Variants in SLIT2 observed in about 807,000 individuals in gnomAD.
SLIT2 encodes slit homolog 2 protein.
SLIT2 carries 41 observed loss-of-function variants against 185.7 expected under a neutral mutation model. The ratio of observed to expected loss-of-function variants is 0.22; its 90% confidence interval spans 0.17 to 0.29. The LOEUF (loss-of-function observed/expected upper bound fraction) is 0.29, where lower values mean the gene tolerates loss of function less well. Among genes scored for constraint, SLIT2 ranks in the 10% least tolerant of loss-of-function variants. The pLI, the probability that SLIT2 is intolerant of heterozygous loss-of-function variation, is 1.00. For missense variants in SLIT2, 1,571 were observed against 1,909.0 expected, an observed-to-expected ratio of 0.82 and a Z score of 3.30; for synonymous variants, 693 against 680.2, an observed-to-expected ratio of 1.02 and a Z score of -0.29.
At chr4:20,257,734 G>T in intron 2 of SLIT2, 134 bp from the exon 3 acceptor site, 1 of 649,644 alleles carries the variant, frequency 1.5e-6, no homozygotes, top group Admixed American at 2.9e-5. Context: ...TATTAAATTT[G>T]ATATTGGATC....
chr4:20,274,742 G>A (rs1447688907), intron 4 of SLIT2, among the ~76,000 whole-genome samples: 1 of 144,688 alleles, frequency 6.9e-6, no homozygotes, highest in Admixed American at 7.0e-5. Context: ...AAGTTTCTGT[G>A]TTTTTTTTTT....
chr4:20,312,771 C>CAAAAAAAAAAA (rs34372893), intron 4 of SLIT2, among the ~76,000 whole-genome samples: 1 of 102,166 alleles, frequency 9.8e-6, no homozygotes, highest in Non-Finnish European at 2.0e-5. Context: ...GACTTTGTCT[C>CAAAAAAAAAAA]AAAAAAAAAA....
intron 4 of SLIT2, among the ~76,000 whole-genome samples, chr4:20,454,258 A>G (rs934113741): frequency 6.6e-6 from 1 of 152,148 alleles, no homozygotes; most frequent in African/African-American, 2.4e-5. Context: ...TCTTGAATGA[A>G]TACAAATATC....
At chr4:20,535,741 A>G (rs1722213360) in intron 18 of SLIT2, among the ~76,000 whole-genome samples, 1 of 152,208 alleles carries the variant, frequency 6.6e-6, no homozygotes, top group South Asian at 2.1e-4. Context: ...ATCTGCTCAT[A>G]GGGAGAGAGA....
chr4:20,609,276 A>G (rs1353996707), intron 33 of SLIT2, among the ~76,000 whole-genome samples: 1 of 152,176 alleles, frequency 6.6e-6, no homozygotes, highest in Non-Finnish European at 1.5e-5. Context: ...GGTGACAGTA[A>G]TAATTGTTAG....
intron 26 of SLIT2, among the ~76,000 whole-genome samples, chr4:20,564,247 G>A (rs1724917227): frequency 6.6e-6 from 1 of 151,780 alleles, no homozygotes; most frequent in African/African-American, 2.4e-5. Context: ...ACAGAAGACA[G>A]AAGATGGACT....
intron 4 of SLIT2, among the ~76,000 whole-genome samples, chr4:20,427,604 C>T (rs1231956212): frequency 2.6e-5 from 4 of 151,724 alleles, no homozygotes; most frequent in Admixed American, 2.6e-4. Flanking sequence ...CTCATTTTTT[C>T]CAACATTGCT....
chr4:20,257,271 C>A (rs1248327504), intron 2 of SLIT2, among the ~76,000 whole-genome samples: 1 of 151,936 alleles, frequency 6.6e-6, no homozygotes, highest in Non-Finnish European at 1.5e-5. Flanking sequence ...AAAATTGTTG[C>A]AATATGATTA....
chr4:20,358,274 G>C (rs927313964), intron 4 of SLIT2, among the ~76,000 whole-genome samples: 1 of 152,062 alleles, frequency 6.6e-6, no homozygotes, highest in Admixed American at 6.6e-5. Context: ...TGATCGGACT[G>C]GTTTTATTAC....
chr4:20,331,478 C>T (rs1720063116), intron 4 of SLIT2, among the ~76,000 whole-genome samples: 1 of 152,056 alleles, frequency 6.6e-6, no homozygotes, highest in Non-Finnish European at 1.5e-5. Context: ...TTGCTAAATA[C>T]ATTTGTTTTC....
At chr4:20,517,411 A>T (rs1720308259) in intron 11 of SLIT2, among the ~76,000 whole-genome samples, 1 of 151,998 alleles carries the variant, frequency 6.6e-6, no homozygotes, top group Non-Finnish European at 1.5e-5. Context: ...TGCCATCTTA[A>T]TCTACTCATT....
chr4:20,471,787 C>T (rs1397327621), intron 5 of SLIT2, among the ~76,000 whole-genome samples: 2 of 152,172 alleles, frequency 1.3e-5, no homozygotes, highest in Non-Finnish European at 2.9e-5. Flanking sequence ...TAGCAGATCT[C>T]ATTCCCCTTC....
At chr4:20,314,510 T>C (rs942510244) in intron 4 of SLIT2, among the ~76,000 whole-genome samples, 2 of 152,206 alleles carry the variant, frequency 1.3e-5, no homozygotes, top group Non-Finnish European at 2.9e-5. Flanking sequence ...CCTCTGTCCT[T>C]GTCGAGCTTA....
At chr4:20,375,862 A>T (rs1056485264) in intron 4 of SLIT2, among the ~76,000 whole-genome samples, 5 of 152,066 alleles carry the variant, frequency 3.3e-5, no homozygotes, top group African/African-American at 1.2e-4. Flanking sequence ...ATTTTATATC[A>T]CTGTTCTTCA....
chr4:20,317,052 A>G (rs969400716), intron 4 of SLIT2, among the ~76,000 whole-genome samples: 7 of 151,602 alleles, frequency 4.6e-5, no homozygotes, highest in Non-Finnish European at 1.0e-4. Context: ...AAAAAAAAAA[A>G]GTATCGTTTG....
At chr4:20,419,387 C>T (rs923604992) in intron 4 of SLIT2, among the ~76,000 whole-genome samples, 2 of 152,088 alleles carry the variant, frequency 1.3e-5, no homozygotes, top group Non-Finnish European at 2.9e-5. Flanking sequence ...TAATGATTTA[C>T]TTACTACTCT....
intron 4 of SLIT2, among the ~76,000 whole-genome samples, chr4:20,327,171 T>A (rs1719665989): frequency 6.6e-6 from 1 of 151,984 alleles, no homozygotes; most frequent in Non-Finnish European, 1.5e-5. Flanking sequence ...ACAGCTTTTT[T>A]CCTGACTTTT....
intron 25 of SLIT2, chr4:20,552,489 C>A: frequency 6.6e-6 from 1 of 151,618 alleles, no homozygotes; most frequent in East Asian, 1.9e-4. Context: ...CCCCCTAGAT[C>A]ATAAAGAGCT....
intron 25 of SLIT2, 85 bp downstream of exon 25, chr4:20,550,983 C>T (rs2148891415): frequency 1.4e-6 from 1 of 722,656 alleles, no homozygotes; most frequent in Non-Finnish European, 2.4e-6. Context: ...AGTTATTTTA[C>T]TGTAACATCA....
Sources: gnomAD v4.1 joint callset for allele counts (sites outside exome capture counted in the v4.1 genomes callset) on GRCh38, gnomAD v4.1.1 for gene constraint, MANE v1.5 for transcripts, NCBI Gene and HGNC (gene_info 2026-07-23, HGNC 2026-07-21) for gene names.